The following FAM98B variants were observed in gnomAD, a reference collection of about 807,000 sequenced individuals.
FAM98B encodes tRNA splicing ligase complex subunit 3B, also known as tRNA-splicing ligase complex subunit FAM98B.
A neutral mutation model predicts 43.9 loss-of-function variants in FAM98B; 32 were observed. The ratio of observed to expected loss-of-function variants is 0.73; its 90% confidence interval spans 0.55 to 0.98. The LOEUF is 0.98. FAM98B is among the 50% of genes least tolerant of loss of function. FAM98B has a pLI of 0.00. For synonymous variants in FAM98B, 190 were observed against 174.0 expected, an observed-to-expected ratio of 1.09 and a Z score of -0.72; for missense variants, 514 against 522.9, an observed-to-expected ratio of 0.98 and a Z score of 0.17.
At chr15:38,456,904 G>A (rs1453052055) in intron 1 of FAM98B, among the ~76,000 whole-genome samples, 1 of 152,222 alleles carries the variant, frequency 6.6e-6, no homozygotes, top group Non-Finnish European at 1.5e-5. Context: ...AGAGTTAGGT[G>A]AAAATCAGGG....
At chr15:38,473,743 TTTAG>T (rs1267114120) in intron 5 of FAM98B, among the ~76,000 whole-genome samples, 158 bp downstream of exon 5, 2 of 152,216 alleles carry the variant, frequency 1.3e-5, no homozygotes, top group Admixed American at 6.5e-5. Flanking sequence ...CTAACATTTC[TTTAG>T]TTAAATTATT....
chr15:38,481,672 TAGA>T, intron 7 of FAM98B: 2 of 1,372,454 alleles, frequency 1.5e-6, no homozygotes, highest in Non-Finnish European at 1.9e-6. Context: ...TTTTCTGAAT[TAGA>T]GGAATTATGA....
intron 6 of FAM98B, among the ~76,000 whole-genome samples, chr15:38,476,285 C>T (rs955550587): frequency 9.9e-5 from 15 of 151,912 alleles, no homozygotes; most frequent in African/African-American, 3.6e-4. Context: ...TGTTATGTTT[C>T]TCTGTAAGCT....
In FAM98B at chr15:38,465,236, C is replaced by T. The variant is rs1402812621; in HGVS notation, c.218-33C>T. The T allele has an allele frequency of 3.8e-6, 6 of 1,583,572 alleles. No homozygotes were observed. In the Admixed American group the frequency reaches 5.8e-5, roughly 15 times the overall value. On this transcript the variant is annotated intron_variant, in intron 2 of 7. Coordinates refer to ENST00000397609, the MANE Select transcript of FAM98B (RefSeq NM_173611.4). ...AGTATTGGATTATATGGTAAATGCT[C>T]AGTAAATGTTTTATGATTTTTCTTT... is the stretch of plus-strand genomic sequence containing the variant.
At chr15:38,454,754 T>C (rs1010697988) in intron 1 of FAM98B, among the ~76,000 whole-genome samples, 50 of 152,212 alleles carry the variant, frequency 3.3e-4, no homozygotes, top group Non-Finnish European at 4.4e-5. Context: ...CGTCAACGTG[T>C]ATATTAGCTT....
chr15:38,454,220 T>C lies in FAM98B; in HGVS notation c.59T>C (p.Leu20Pro), dbSNP rs1225918362. ...ATGGAGGGAGACGTGCTGGACACAC[T>C]GGAGGCGCTGGGGTGAGTGCTTTTG... ...PTMEGDVLDT[L>P]EALGYKGPLL... The change falls in exon 1 of 8, where the codon CTG becomes CCG. Residue 20 changes from leucine to proline, a missense_variant. Leu to Pro is a moderately conservative substitution (Grantham distance 98). Coordinates refer to ENST00000397609, the MANE Select transcript of FAM98B (RefSeq NM_173611.4). The C allele has an allele frequency of 6.2e-7, 1 of 1,602,874 alleles. No homozygotes were observed. The highest frequency in any genetic ancestry group is 1.3e-5 in the African/African-American group (1 of 74,870).
chr15:38,475,227 G>A (rs1435844048), intron 6 of FAM98B, among the ~76,000 whole-genome samples: 1 of 152,014 alleles, frequency 6.6e-6, no homozygotes, highest in African/African-American at 2.4e-5. Flanking sequence ...GATGGTTTTG[G>A]CATGAAACTG....
In FAM98B at chr15:38,458,750, G is replaced by T. The variant is rs75682609; in HGVS notation, c.71+4518G>T. Reference sequence around the variant, plus strand: ...TGACCACTGCTTGGAAGCAGGGAAGGCTAAGAGGCCTGCCCCTACCCAAGG... The same window carrying T: ...TGACCACTGCTTGGAAGCAGGGAAGTCTAAGAGGCCTGCCCCTACCCAAGG... On this transcript the variant is annotated intron_variant, in intron 1 of 7. Coordinates refer to ENST00000397609, the MANE Select transcript of FAM98B (RefSeq NM_173611.4). 1,580 of 344,262 alleles carry T rather than the reference G, an allele frequency of 4.6e-3. 31 individuals are homozygous for T. The highest frequency in any genetic ancestry group is 0.031 in the African/African-American group (1,464 of 47,070). The allele number at this position is 344,262 out of a possible 1,614,324, so 21.3% of individuals were successfully genotyped here.
chr15:38,465,298 G>A lies in FAM98B; in HGVS notation c.247G>A (p.Glu83Lys). Residue 83 changes from glutamate to lysine, a missense_variant, in exon 3 of 8, where the codon GAG (glutamate) becomes AAG (lysine). Glu to Lys is a moderately conservative substitution (Grantham distance 56). This residue lies in a region of FAM98B where 469 missense variants were observed against 451.8 expected (regional missense o/e 1.04). Transcript: ENST00000397609. ...GRDDLESFQL[E>K]ISGFLKEMAC... ...AGATGATCTAGAGAGCTTCCAGCTT[G>A]AGATAAGTGGCTTTTTAAAAGAAAT... 6.2e-7 allele frequency: 1 copy of A among 1,610,564 alleles called. No homozygotes were observed. The highest frequency in any genetic ancestry group is 8.5e-7 in the Non-Finnish European group (1 of 1,178,996).
chr15:38,465,057 T>G (rs924505589), intron 2 of FAM98B, among the ~76,000 whole-genome samples: 1 of 152,266 alleles, frequency 6.6e-6, no homozygotes, highest in Non-Finnish European at 1.5e-5. Flanking sequence ...ATAGTAGAAA[T>G]GGATCATTTG....
At chr15:38,473,232 T>C (rs1193031028) in intron 4 of FAM98B, among the ~76,000 whole-genome samples, 1 of 152,182 alleles carries the variant, frequency 6.6e-6, no homozygotes, top group Non-Finnish European at 1.5e-5. Flanking sequence ...AAGACACAGA[T>C]TCTCATAGTA....
chr15:38,480,935 T>C (rs1890272911), intron 6 of FAM98B, among the ~76,000 whole-genome samples: 1 of 152,146 alleles, frequency 6.6e-6, no homozygotes, highest in Non-Finnish European at 1.5e-5. Context: ...TTTCTTACCA[T>C]TTATACAAGT....
Position 38,487,247 on chromosome 15 carries a change from C to T in FAM98B, c.*2588C>T, listed in dbSNP as rs1429113464. On this transcript the variant is annotated 3_prime_UTR_variant, in exon 8 of 8. Coordinates refer to ENST00000397609, the MANE Select transcript of FAM98B (RefSeq NM_173611.4). Reference sequence around the variant, plus strand: ...TTTGCAGATCAGGGAAACCTTGCCTCATTAAACAGAAAAAGGAAAACATTT... The same window carrying T: ...TTTGCAGATCAGGGAAACCTTGCCTTATTAAACAGAAAAAGGAAAACATTT... The T allele has an allele frequency of 1.3e-5, 2 of 152,044 alleles. No individual in the cohort carries two copies. The highest frequency in any genetic ancestry group is 2.9e-5 in the Non-Finnish European group (2 of 67,956). 9.4% of individuals were successfully genotyped at this position (152,044 alleles called of 1,614,324 possible).
intron 1 of FAM98B, among the ~76,000 whole-genome samples, chr15:38,458,497 C>G (rs1889887776): frequency 6.6e-6 from 1 of 152,142 alleles, no homozygotes; most frequent in African/African-American, 2.4e-5. Flanking sequence ...GGCCACAGTT[C>G]ATGGCAGAAC....
In FAM98B at chr15:38,484,605, AGGTGGTGGTGGTGGT is replaced by A. The variant is rs201831942; in HGVS notation, c.1263_1277del (p.Gly425_Gly429del). 9.5e-6 allele frequency: 10 copies of A among 1,049,758 alleles called. No individual in the cohort carries two copies. Among genetic ancestry groups the A allele is most frequent in the East Asian group, 5.7e-5 (1 of 17,596 alleles). The allele number at this position is 1,049,758 out of a possible 1,614,324, so 65.0% of individuals were successfully genotyped here. A position where few individuals can be genotyped will look rare whatever the true frequency, so the allele number is the denominator to read the frequency against. On this transcript the variant is annotated inframe_deletion, in exon 8 of 8. Coordinates refer to ENST00000397609, the MANE Select transcript of FAM98B (RefSeq NM_173611.4). The stretch of plus-strand genomic sequence containing the variant: ...GAGGCTATGGAGATCCATATGGAGG[AGGTGGTGGTGGTGGT>A]GGTGGTGGTGGTGGAGGAGGTGGAT...
At chr15:38,463,964 CAG>C (rs1244279445) in intron 1 of FAM98B, 66 bp from the exon 2 acceptor site, 6 of 1,423,962 alleles carry the variant, frequency 4.2e-6, no homozygotes, top group African/African-American at 1.4e-5. Flanking sequence ...GACCTTGACA[CAG>C]AGTGTTGGAG....
At chr15:38,454,555 A>G (rs1215110119) in intron 1 of FAM98B, among the ~76,000 whole-genome samples, 1 of 152,146 alleles carries the variant, frequency 6.6e-6, no homozygotes, top group East Asian at 1.9e-4. Context: ...CCCGCAGGTG[A>G]TATTTGTGTT....
chr15:38,484,182 C>A, intron 7 of FAM98B, 73 bp from the exon 8 acceptor site: 1 of 1,388,874 alleles, frequency 7.2e-7, no homozygotes, highest in Non-Finnish European at 9.9e-7. Context: ...TTATTAGAAA[C>A]AACATCACTT....
Position 38,473,419 on chromosome 15 carries a change from G to A in FAM98B, c.532-86G>A, listed in dbSNP as rs979847470. 3.4e-5 allele frequency: 29 copies of A among 859,536 alleles called. 1 individual carries two copies. The highest frequency in any genetic ancestry group is 4.7e-5 in the Non-Finnish European group (26 of 554,712). The allele number at this position is 859,536 out of a possible 1,614,324, so 53.2% of individuals were successfully genotyped here. A position where few individuals can be genotyped will look rare whatever the true frequency, so the allele number is the denominator to read the frequency against. ...TGTCACTTTAATATTTTATTCTGTA[G>A]TGTTCAGAGCGATACTTTAAACAAG... On this transcript the variant is annotated intron_variant, in intron 4 of 7. Transcript: ENST00000397609.
Sources: gnomAD v4.1 joint callset for allele counts (sites outside exome capture counted in the v4.1 genomes callset) on GRCh38, gnomAD v4.1.1 for gene constraint, gnomAD v4.1.1 regional missense constraint, MANE v1.5 for transcripts, NCBI Gene and HGNC (gene_info 2026-07-23, HGNC 2026-07-21) for gene names.